The following COL9A3 variants were observed in gnomAD, a reference collection of about 807,000 sequenced individuals.
COL9A3 encodes collagen type IX alpha 3 chain, also known as collagen alpha-3(IX) chain.
In COL9A3, 82 loss-of-function variants were observed where a neutral mutation model predicts 110.2. The observed-to-expected ratio is 0.74, with a 90% CI of 0.62 to 0.89. The LOEUF is 0.89. Among genes scored for constraint, COL9A3 ranks in the 40% least tolerant of loss-of-function variants. The probability of loss-of-function intolerance (pLI) is 0.00; values close to 1 mark genes in which losing one functional copy is unlikely to be tolerated. For missense variants in COL9A3, 1,066 were observed against 981.3 expected (o/e 1.09, Z -1.15); for synonymous variants, 494 against 403.8 (o/e 1.22, Z -2.68).
Position 62,827,956 on chromosome 20 carries a change from G to T in COL9A3, c.880G>T (p.Ala294Ser), listed in dbSNP as rs367864207. 9 of 1,612,870 alleles carry T rather than the reference G, an allele frequency of 5.6e-6. No homozygotes were observed. Among genetic ancestry groups the T allele is most frequent in the African/African-American group, 4.0e-5 (3 of 74,932 alleles). ...RPGPKGTPGV[A>S]GPSGEPGMPG... is the part of the protein sequence containing the mutation. ...TGGTCCCAAGGGAACCCCCGGAGTGGCCGGGCCAAGCGGAGAGCCGGTGAG... is the reference window on the plus strand; with the variant it reads ...TGGTCCCAAGGGAACCCCCGGAGTGTCCGGGCCAAGCGGAGAGCCGGTGAG... Residue 294 changes from alanine (A) to serine (S), a missense_variant, in exon 17 of 32, where the codon GCC becomes TCC. Physicochemically the swap from Ala to Ser is moderately conservative, Grantham distance 99. Transcript: ENST00000649368.
At chr20:62,824,856 C>G in intron 11 of COL9A3, 112 bp from the exon 12 acceptor site, 1 of 1,174,588 alleles carries the variant, frequency 8.5e-7, no homozygotes, top group Non-Finnish European at 1.2e-6. Context: ...GTCCTGTGCG[C>G]TGCCGTGTGG....
chr20:62,828,735 G>A (rs370045009), intron 17 of COL9A3, 29 bp from the exon 18 acceptor site: 24 of 1,611,962 alleles, frequency 1.5e-5, no homozygotes, highest in Middle Eastern at 1.6e-4. Context: ...GCCACTGCCC[G>A]ACGGGCCTTA....
rs754739000 is a variant in COL9A3, at chr20:62,836,303, TC to T, written c.1520del (p.Pro507LeufsTer26). 2 of 1,613,910 alleles carry T rather than the reference TC, an allele frequency of 1.2e-6. No individual in the cohort carries two copies. Among genetic ancestry groups the T allele is most frequent in the Non-Finnish European group, 1.7e-6 (2 of 1,180,026 alleles). On this transcript the variant is annotated frameshift_variant, in exon 28 of 32. Coordinates refer to ENST00000649368, the MANE Select transcript of COL9A3 (RefSeq NM_001853.4). LOFTEE classifies it high-confidence loss of function. Reference protein sequence around the residue: ...PLGLQGVPGVPGITGKPGVPG... With the variant: ...PLGLQGVPGVXGITGKPGVPG... The stretch of plus-strand genomic sequence containing the variant: ...TGGGCCTGCAGGGCGTCCCGGGTGT[TC>T]CTGGCATCACGGGGAAGCCGGGAGT...
chr20:62,821,316 T>C (rs2063510543), intron 6 of COL9A3, 100 bp downstream of exon 6: 1 of 1,395,704 alleles, frequency 7.2e-7, no homozygotes, highest in Non-Finnish European at 1.0e-6. Context: ...GGACCATCCC[T>C]GGCCCTCTCA....
At chr20:62,826,940 G>T in intron 15 of COL9A3, 120 bp downstream of exon 15, 1 of 1,122,832 alleles carries the variant, frequency 8.9e-7, no homozygotes, top group Non-Finnish European at 1.3e-6. Context: ...GCTGTTCCCT[G>T]GACACCCTGG....
intron 26 of COL9A3, among the ~76,000 whole-genome samples, chr20:62,835,711 G>A (rs1360283131): frequency 1.3e-5 from 2 of 152,144 alleles, no homozygotes; most frequent in African/African-American, 4.8e-5. Context: ...CTCTTCCCAG[G>A]AAAGTAAGTT....
At chr20:62,817,431 G>T in intron 1 of COL9A3, 136 bp from the exon 2 acceptor site, 1 of 651,654 alleles carries the variant, frequency 1.5e-6, no homozygotes, top group Non-Finnish European at 2.6e-6. Flanking sequence ...GCCGGGCTCC[G>T]CCCGAGGCTT....
rs746613267 is a variant in COL9A3, at chr20:62,829,659, C to T, written c.1085C>T (p.Pro362Leu). 1.2e-6 allele frequency: 2 copies of T among 1,609,590 alleles called. No individual in the cohort carries two copies. The highest frequency in any genetic ancestry group is 1.1e-5 in the South Asian group (1 of 90,374). ...GRAGELGEAG[P>L]SGEPGVPGDA... ...GCTGGGGAGCTGGGTGAGGCCGGCC[C>T]CTCTGGAGAGCCAGGCGTCCCTGTG... is the stretch of plus-strand genomic sequence containing the variant. The change falls in exon 21 of 32, where the codon CCC (proline) becomes CTC (leucine). Residue 362 changes from proline (P) to leucine (L), a missense_variant. Transcript: ENST00000649368.
intron 30 of COL9A3, among the ~76,000 whole-genome samples, chr20:62,837,839 G>A (rs375786580): frequency 1.6e-4 from 25 of 152,184 alleles, no homozygotes; most frequent in East Asian, 5.8e-4. Flanking sequence ...AGGAATGGCC[G>A]GGTGCGGTGG....
intron 19 of COL9A3, among the ~76,000 whole-genome samples, 173 bp downstream of exon 19, chr20:62,829,149 C>T (rs771732471): frequency 1.3e-5 from 2 of 152,196 alleles, no homozygotes; most frequent in African/African-American, 4.8e-5. Flanking sequence ...GTGCTGTGGA[C>T]GGTTGCCTGT....
At chr20:62,821,971 C>A (rs1424109658) in intron 8 of COL9A3, 140 bp from the exon 9 acceptor site, 2 of 768,440 alleles carry the variant, frequency 2.6e-6, no homozygotes, top group African/African-American at 3.4e-5. Context: ...CCAGACCCGA[C>A]CTCAGGACGC....
In COL9A3 at chr20:62,826,271, C is replaced by T. The variant is rs993060734; in HGVS notation, c.738+14C>T. On this transcript the variant is annotated intron_variant, in intron 14 of 31. Transcript: ENST00000649368. ...CCTGGGGACCGGGTAAGTCCTGCAG[C>T]CCCTAGTGGGGGCCGGCCAGGTGGC... The T allele has an allele frequency of 9.0e-6, 14 of 1,547,644 alleles. No individual in the cohort carries two copies. The African/African-American group carries it at 1.9e-4, about 21-fold the overall frequency.
At chr20:62,832,060 T>G in intron 24 of COL9A3, 94 bp from the exon 25 acceptor site, 2 of 1,178,768 alleles carry the variant, frequency 1.7e-6, no homozygotes, top group South Asian at 1.2e-5. Flanking sequence ...CAGATGGAGA[T>G]GTGGGGAGGT....
chr20:62,840,487 C>T lies in COL9A3; in HGVS notation c.1865-55C>T, dbSNP rs1378359397. 4.7e-5 allele frequency: 71 copies of T among 1,503,228 alleles called. 3 individuals carry two copies. Among genetic ancestry groups the T allele is most frequent in the South Asian group, 4.2e-4 (37 of 88,620 alleles). 93.1% of individuals were successfully genotyped at this position (1,503,228 alleles called of 1,614,324 possible). ...GCTTGCCCACAGCTGGATGTCAAGT[C>T]CCCCTGCTTTCAGTCCGGGCTGCAG... On this transcript the variant is annotated intron_variant, in intron 31 of 31. Coordinates refer to ENST00000649368, the MANE Select transcript of COL9A3 (RefSeq NM_001853.4).
chr20:62,835,134 C>T (rs1207351518), intron 26 of COL9A3, among the ~76,000 whole-genome samples: 2 of 152,254 alleles, frequency 1.3e-5, no homozygotes, highest in East Asian at 1.9e-4. Flanking sequence ...GCGGAGCATG[C>T]TGTCTGGGCC....
chr20:62,838,099 A>C (rs1032729643), intron 30 of COL9A3, among the ~76,000 whole-genome samples: 1 of 152,286 alleles, frequency 6.6e-6, no homozygotes, highest in African/African-American at 2.4e-5. Context: ...TCAACTGCTT[A>C]ATAGGCATAA....
At chr20:62,826,286 G>A (rs1380325273) in intron 14 of COL9A3, 29 bp downstream of exon 14, 18 of 1,542,504 alleles carry the variant, frequency 1.2e-5, no homozygotes, top group Non-Finnish European at 1.5e-5. Flanking sequence ...AGTGGGGGCC[G>A]GCCAGGTGGC....
In COL9A3 at chr20:62,828,799, A is replaced by T; in HGVS notation, c.936A>T (p.Pro312=). Residue 312 remains proline, a synonymous_variant, in exon 18 of 32, where the codon CCA becomes CCT. Transcript: ENST00000649368. ...MPGKDGQNGV[P]GLDGQKGEAG... ...GCAAGGACGGCCAGAATGGCGTGCC[A>T]GGACTCGATGGCCAGAAGGTTGGCA... The T allele has an allele frequency of 6.2e-7, 1 of 1,612,884 alleles. No homozygotes were observed. The highest frequency in any genetic ancestry group is 8.5e-7 in the Non-Finnish European group (1 of 1,179,930).
Position 62,829,619 on chromosome 20 carries a change from C to CCT in COL9A3, c.1054-6_1054-5dup. The CCT allele has an allele frequency of 6.2e-7, 1 of 1,609,948 alleles. No homozygotes were observed. Among genetic ancestry groups the CCT allele is most frequent in the Non-Finnish European group, 8.5e-7 (1 of 1,178,892 alleles). Reference sequence around the variant, plus strand: ...TAGGCAGGCACTCACAGCTCTCCTTCCTCTACAGGGCAGAGCTGGGGAGCT... The same window carrying CCT: ...TAGGCAGGCACTCACAGCTCTCCTTCCTCTCTACAGGGCAGAGCTGGGGAGCT... On this transcript the variant is annotated splice_polypyrimidine_tract_variant and intron_variant, in intron 20 of 31. Transcript: ENST00000649368.
Sources: gnomAD v4.1 joint callset for allele counts (sites outside exome capture counted in the v4.1 genomes callset) on GRCh38, gnomAD v4.1.1 for gene constraint, MANE v1.5 for transcripts, NCBI Gene and HGNC (gene_info 2026-07-23, HGNC 2026-07-21) for gene names.